The following RELL1 variants were observed in gnomAD, a reference collection of about 807,000 sequenced individuals.
RELL1 encodes the protein RELT-like protein 1.
Under a neutral mutation model 23.0 loss-of-function variants are expected in RELL1, and 10 were observed. The observed-to-expected ratio is 0.43, with a 90% confidence interval of 0.27 to 0.74. The LOEUF (loss-of-function observed/expected upper bound fraction) is 0.74. Among genes scored for constraint, RELL1 ranks in the 30% least tolerant of loss-of-function variants. The pLI is 0.19. For synonymous variants in RELL1, 146 were observed against 146.8 expected, an observed-to-expected ratio of 0.99 and a Z score of 0.04; for missense variants, 315 against 364.4, an observed-to-expected ratio of 0.86 and a Z score of 1.10.
At chr4:37,681,551 C>T (rs1050556209) in intron 1 of RELL1, among the ~76,000 whole-genome samples, 19 of 99,652 alleles carry the variant, frequency 1.9e-4, no homozygotes, top group African/African-American at 5.5e-4. Flanking sequence ...TTTTTTGAGA[C>T]GGAGTCTTGC....
Position 37,649,322 on chromosome 4 carries a change from T to G in RELL1, c.267A>C (p.Thr89=), listed in dbSNP as rs764763914. ...CTTCGATATCTTGCTCTGCTTCTGT[T>G]GTACAACGATAGCCTTTCTTCTTAA... is the stretch of plus-strand genomic sequence containing the variant. ...HLLKKKGYRC[T]TEAEQDIEEE... The change falls in exon 2 of 7, where the codon ACA becomes ACC. Residue 89 remains threonine (T), a synonymous_variant. Transcript: ENST00000454158. 12 of 1,614,252 alleles carry G rather than the reference T, an allele frequency of 7.4e-6. No homozygotes were observed. The East Asian group carries it at 2.7e-4, about 36-fold the overall frequency.
rs1720409459 is a variant in RELL1 at position 37,638,437 on chromosome 4, G to A, written c.443+10C>T. Reference sequence around the variant, plus strand: ...GATGTCGCACTAAGAAAGAGGGGAGGAGCACTCACCTTTCAGGATCATACA... The same window carrying A: ...GATGTCGCACTAAGAAAGAGGGGAGAAGCACTCACCTTTCAGGATCATACA... On this transcript the variant is annotated intron_variant, in intron 4 of 6. Coordinates refer to ENST00000454158, the MANE Select transcript of RELL1 (RefSeq NM_001085400.2). 2 of 1,603,666 alleles carry A rather than the reference G, an allele frequency of 1.2e-6. No individual in the cohort carries two copies. Among genetic ancestry groups the A allele is most frequent in the Non-Finnish European group, 8.5e-7 (1 of 1,171,994 alleles).
intron 1 of RELL1, among the ~76,000 whole-genome samples, chr4:37,682,318 A>T (rs1722252550): frequency 6.6e-6 from 1 of 152,238 alleles, no homozygotes; most frequent in African/African-American, 2.4e-5. Flanking sequence ...GCAGCACACC[A>T]AATCTTTACA....
At chr4:37,619,992 GACT>G (rs745928938) in intron 6 of RELL1, among the ~76,000 whole-genome samples, 1 of 152,098 alleles carries the variant, frequency 6.6e-6, no homozygotes, top group Non-Finnish European at 1.5e-5. Flanking sequence ...TATGTTTATT[GACT>G]ACTACATCTT....
At position 37,610,685 on chromosome 4, in the gene RELL1, A is replaced by AAAG. The variant is rs1318265766; in HGVS notation, c.*2658_*2660dup. ...CCGCTTTGGTAGTACAAAAGTCATA[A>AAAG]AAGTACAAACCAGACAGTTAAAAAT... is the stretch of plus-strand genomic sequence containing the variant. On this transcript the variant is annotated 3_prime_UTR_variant, in exon 7 of 7. Transcript: ENST00000454158. The surrounding 1 kb of genome is among the most constrained non-coding windows in gnomAD (Gnocchi z 4.1). Among the ~76,000 whole-genome samples the AAAG allele has an allele frequency of 6.6e-6, 1 of 152,232 alleles. No homozygotes were observed. Among genetic ancestry groups the AAAG allele is most frequent in the African/African-American group, 2.4e-5 (1 of 41,466 alleles).
intron 1 of RELL1, among the ~76,000 whole-genome samples, chr4:37,667,981 A>T (rs1721595584): frequency 6.6e-6 from 1 of 152,176 alleles, no homozygotes; most frequent in Admixed American, 6.5e-5. Context: ...AGTGAAAAAA[A>T]AACACATACA....
At chr4:37,592,384 C>T (rs1718663125) in intron 6 of RELL1, among the ~76,000 whole-genome samples, 1 of 144,512 alleles carries the variant, frequency 6.9e-6, no homozygotes, top group Non-Finnish European at 1.5e-5. Flanking sequence ...AGCTAGACTA[C>T]AAAATTATAC....
chr4:37,670,321 C>T (rs944417513), intron 1 of RELL1, among the ~76,000 whole-genome samples: 7 of 151,742 alleles, frequency 4.6e-5, no homozygotes, highest in Non-Finnish European at 8.8e-5. Flanking sequence ...GTGTAGACAG[C>T]GGTAAACCAG....
At chr4:37,685,471 T>C (rs976104043) in intron 1 of RELL1, among the ~76,000 whole-genome samples, 7 of 152,216 alleles carry the variant, frequency 4.6e-5, no homozygotes, top group Non-Finnish European at 1.0e-4. Flanking sequence ...CCTCTTAAGA[T>C]TGATTTCAAT....
intron 1 of RELL1, among the ~76,000 whole-genome samples, chr4:37,672,365 C>T (rs1351934033): frequency 6.6e-6 from 1 of 152,090 alleles, no homozygotes; most frequent in Non-Finnish European, 1.5e-5. Context: ...GTTCCTATCA[C>T]TCAAGAAATC....
chr4:37,631,239 C>A (rs1274756557), intron 6 of RELL1, 146 bp downstream of exon 6: 1 of 862,262 alleles, frequency 1.2e-6, no homozygotes, highest in Non-Finnish European at 1.8e-6. Flanking sequence ...ATGTTCAGTC[C>A]CCCTCAGTCT....
downstream of RELL1, chr4:37,590,462 TC>T: frequency 6.2e-7 from 1 of 1,610,896 alleles, no homozygotes; most frequent in Non-Finnish European, 8.5e-7. Context: ...ACTCAACCCT[TC>T]CTGGAAGGAG....
At chr4:37,600,723 A>AT (rs1195454850) in intron 6 of RELL1, among the ~76,000 whole-genome samples, 3 of 150,334 alleles carry the variant, frequency 2.0e-5, no homozygotes, top group Admixed American at 2.0e-4. Context: ...GGGAGGGTTG[A>AT]TTGGTTATTT....
intron 3 of RELL1, among the ~76,000 whole-genome samples, chr4:37,641,569 C>T (rs1470986870): frequency 6.6e-6 from 1 of 152,192 alleles, no homozygotes; most frequent in East Asian, 1.9e-4. Context: ...TTCCTTTCCC[C>T]ACCTTCCCCA....
At chr4:37,656,658 C>T (rs2109292101) in intron 1 of RELL1, among the ~76,000 whole-genome samples, 1 of 152,294 alleles carries the variant, frequency 6.6e-6, no homozygotes, top group South Asian at 2.1e-4. Flanking sequence ...CTTGGGGACT[C>T]CACGCTCATA....
intron 1 of RELL1, 124 bp from the exon 2 acceptor site, chr4:37,649,624 G>C: frequency 1.2e-6 from 1 of 800,738 alleles, no homozygotes; most frequent in Non-Finnish European, 2.0e-6. Flanking sequence ...ATGCAGACTG[G>C]TGGGTCCAGC....
intron 1 of RELL1, among the ~76,000 whole-genome samples, chr4:37,660,861 C>G (rs1338156506): frequency 1.3e-5 from 2 of 152,096 alleles, no homozygotes; most frequent in Admixed American, 6.5e-5. Context: ...GAAACCCCGT[C>G]TCTACTAAAA....
chr4:37,644,438 T>TTTTA (rs10523379), intron 3 of RELL1, among the ~76,000 whole-genome samples: 41,575 of 137,604 alleles, frequency 0.3, 6,510 homozygotes, highest in East Asian at 0.4. Context: ...TTATTTTTAT[T>TTTTA]TTTATTTATT....
chr4:37,590,362 C>T (rs201239178), downstream of RELL1: 6 of 1,613,764 alleles, frequency 3.7e-6, no homozygotes, highest in East Asian at 8.9e-5. Flanking sequence ...CGGCATCGGC[C>T]CTGCTGCCAC....
Sources: gnomAD v4.1 joint callset for allele counts (sites outside exome capture counted in the v4.1 genomes callset) on GRCh38, gnomAD v4.1.1 for gene constraint, Gnocchi (gnomAD v3.1) non-coding constraint, MANE v1.5 for transcripts, NCBI Gene and HGNC (gene_info 2026-07-23, HGNC 2026-07-21) for gene names.